The following TDRD9 variants were observed in gnomAD, a reference collection of about 807,000 sequenced individuals.
The protein encoded by TDRD9 is tudor domain containing 9.
A neutral mutation model predicts 172.6 loss-of-function variants in TDRD9; 124 were observed. The ratio of observed to expected loss-of-function variants is 0.72; its 90% confidence interval spans 0.62 to 0.83. The LOEUF (loss-of-function observed/expected upper bound fraction) is 0.83. Ranked by LOEUF, TDRD9 falls within the 40% of genes least tolerant of loss-of-function variation. The probability of loss-of-function intolerance (pLI) is 0.00; values close to 1 mark genes in which losing one functional copy is unlikely to be tolerated. For synonymous variants in TDRD9, 619 were observed against 617.1 expected (o/e 1.00, Z -0.05); for missense variants, 1,479 against 1,714.1 (o/e 0.86, Z 2.42).
chr14:103,976,802 A>G (rs1232289058), intron 7 of TDRD9, among the ~76,000 whole-genome samples: 3 of 152,148 alleles, frequency 2.0e-5, no homozygotes, highest in Middle Eastern at 3.2e-3. Context: ...AACAGTATAC[A>G]AGAGTTCCCC....
chr14:103,956,150 A>ATATGTAT (rs2032229424), intron 2 of TDRD9, among the ~76,000 whole-genome samples: 2 of 106,200 alleles, frequency 1.9e-5, no homozygotes, highest in Non-Finnish European at 3.8e-5. Flanking sequence ...ATATATATAT[A>ATATGTAT]ATTATTAGGC....
intron 33 of TDRD9, 41 bp from the exon 34 acceptor site, chr14:104,042,028 G>A (rs771143368): frequency 1.6e-5 from 20 of 1,262,000 alleles, no homozygotes; most frequent in Non-Finnish European, 2.3e-5. Context: ...ATTCAGTTAC[G>A]ACGGAGCCTT....
chr14:103,982,283 C>T (rs889200411), intron 7 of TDRD9, among the ~76,000 whole-genome samples: 1 of 152,180 alleles, frequency 6.6e-6, no homozygotes, highest in Non-Finnish European at 1.5e-5. Flanking sequence ...GCTCTCCAGC[C>T]GTTGCTGGCC....
At chr14:103,939,186 C>G (rs1259436356) in intron 1 of TDRD9, among the ~76,000 whole-genome samples, 2 of 152,138 alleles carry the variant, frequency 1.3e-5, no homozygotes, top group Middle Eastern at 3.4e-3. Flanking sequence ...GCTTGAGGAG[C>G]CTTGGAGAGT....
chr14:104,046,432 TG>T (rs2035779262), intron 34 of TDRD9, among the ~76,000 whole-genome samples: 1 of 152,216 alleles, frequency 6.6e-6, no homozygotes, highest in Admixed American at 6.5e-5. Context: ...AGTCATTTTT[TG>T]CATATGAACA....
chr14:103,979,569 C>T (rs1367456016), intron 7 of TDRD9, among the ~76,000 whole-genome samples: 1 of 152,160 alleles, frequency 6.6e-6, no homozygotes, highest in Non-Finnish European at 1.5e-5. Context: ...CTCAGTCTCC[C>T]CAAGGGAGGG....
intron 22 of TDRD9, among the ~76,000 whole-genome samples, 165 bp downstream of exon 22, chr14:104,016,253 T>C (rs1374630732): frequency 1.3e-4 from 20 of 152,218 alleles, no homozygotes; most frequent in Admixed American, 1.3e-3. Flanking sequence ...GGCCTTTTCA[T>C]GTGTATCTAC....
chr14:103,941,624 G>C, intron 1 of TDRD9: 1 of 1,534,980 alleles, frequency 6.5e-7, no homozygotes, highest in Non-Finnish European at 8.7e-7. Flanking sequence ...TTGTCACTAT[G>C]TCTGAGCCAG....
At chr14:103,990,424 T>C (rs142882670) in intron 8 of TDRD9, among the ~76,000 whole-genome samples, 59 of 152,368 alleles carry the variant, frequency 3.9e-4, no homozygotes, top group African/African-American at 1.3e-3. Flanking sequence ...GGCTTTTCCA[T>C]GGCTCCCTCC....
chr14:103,960,581 C>A (rs962138339), intron 2 of TDRD9, among the ~76,000 whole-genome samples: 2 of 152,208 alleles, frequency 1.3e-5, no homozygotes, highest in Admixed American at 1.3e-4. Flanking sequence ...GTTGCTGATG[C>A]AAAGGTGCGA....
intron 20 of TDRD9, among the ~76,000 whole-genome samples, chr14:104,010,072 A>T (rs1488487870): frequency 6.6e-6 from 1 of 151,022 alleles, no homozygotes; most frequent in African/African-American, 2.4e-5. Flanking sequence ...CAGCCTCCCG[A>T]GTAGCTGGGA....
At chr14:103,975,280 A>AAACAAACTTGTTTGATAATC in intron 6 of TDRD9, 109 bp from the exon 7 acceptor site, 1 of 1,041,550 alleles carries the variant, frequency 9.6e-7, no homozygotes, top group Middle Eastern at 2.7e-4. Flanking sequence ...TTAAAGTCTC[A>AAACAAACTTGTTTGATAATC]AAAGTTGTTA....
intron 1 of TDRD9, among the ~76,000 whole-genome samples, chr14:103,947,855 A>G (rs1213323663): frequency 1.3e-5 from 2 of 152,122 alleles, no homozygotes; most frequent in African/African-American, 4.8e-5. Context: ...AGGCAACAAA[A>G]GAAGAAAGAC....
chr14:104,046,708 T>C (rs937659999), intron 34 of TDRD9, among the ~76,000 whole-genome samples: 14 of 152,052 alleles, frequency 9.2e-5, no homozygotes, highest in African/African-American at 2.2e-4. Flanking sequence ...TGCAGTGGCG[T>C]GATCTCGGCT....
intron 28 of TDRD9, among the ~76,000 whole-genome samples, chr14:104,027,541 G>C (rs888644713): frequency 6.6e-6 from 1 of 152,114 alleles, no homozygotes; most frequent in South Asian, 2.1e-4. Flanking sequence ...ACGATTTAAA[G>C]GTTTGAGAGG....
In TDRD9 at chr14:104,025,274, G is replaced by A. The variant is rs559274321; in HGVS notation, c.2719-290G>A. ...TGGCATTACAGGCGTGAGCCACTGT[G>A]CCCCGCCGAAATGCTTATATGACCT... is the stretch of plus-strand genomic sequence containing the variant. On this transcript the variant is annotated intron_variant, in intron 25 of 35. Transcript: ENST00000409874. Among the ~76,000 whole-genome samples the A allele has an allele frequency of 1.5e-4, 23 of 152,282 alleles. No individual in the cohort carries two copies. The East Asian group carries it at 4.4e-3, about 29-fold the overall frequency.
At chr14:104,033,563 G>T (rs2035350414) in intron 30 of TDRD9, among the ~76,000 whole-genome samples, 2 of 152,212 alleles carry the variant, frequency 1.3e-5, no homozygotes, top group Admixed American at 6.5e-5. Context: ...CTGCTGAGGG[G>T]TGACAGAGGA....
rs925681457 is a variant in TDRD9, at chr14:103,970,460, C to T, written c.766-81C>T. The T allele has an allele frequency of 2.5e-5, 24 of 977,714 alleles. No individual in the cohort carries two copies. The African/African-American group carries it at 3.9e-4, about 16-fold the overall frequency. The allele number at this position is 977,714 out of a possible 1,614,324, so 60.6% of individuals were successfully genotyped here. On this transcript the variant is annotated intron_variant, in intron 5 of 35. Coordinates refer to ENST00000409874, the MANE Select transcript of TDRD9 (RefSeq NM_153046.3). ...GAGAGAACTGGTTTAGTCCCCAGTC[C>T]CCCAGTGGTGCCTTTCTGTCAGCAG...
intron 35 of TDRD9, chr14:104,049,951 G>A: frequency 5.0e-6 from 2 of 401,522 alleles, no homozygotes; most frequent in Middle Eastern, 6.8e-4. Flanking sequence ...TGAGGGTCTG[G>A]ATTGAACCTT....
Sources: allele counts gnomAD v4.1 joint callset (sites outside exome capture counted in the v4.1 genomes callset), GRCh38; gene constraint gnomAD v4.1.1; transcripts MANE v1.5; gene names NCBI Gene and HGNC (gene_info 2026-07-23, HGNC 2026-07-21).